The following NHSL2 variants were observed in gnomAD, a reference collection of about 807,000 sequenced individuals.
The protein encoded by NHSL2 is NHS like 2, also known as NHS-like protein 2.
NHSL2 carries 27 observed loss-of-function variants against 53.4 expected under a neutral mutation model. That is an observed-to-expected ratio of 0.51 (90% CI 0.37 to 0.70). The LOEUF is 0.70. Ranked by LOEUF, NHSL2 falls within the 30% of genes least tolerant of loss-of-function variation. NHSL2 has a pLI of 0.00. For synonymous variants in NHSL2, 408 were observed against 404.1 expected (o/e 1.01, Z -0.12); for missense variants, 892 against 980.1 (o/e 0.91, Z 1.20).
chrX:71,917,240 T>TTCCTTCCTCTCTCCCTCCCC (rs2041632772), intron 1 of NHSL2, among the ~76,000 whole-genome samples: 1 of 72,853 alleles, frequency 1.4e-5, no homozygotes, highest in Non-Finnish European at 2.5e-5. Context: ...TCTTCCTCCC[T>TTCCTTCCTCTCTCCCTCCCC]CCCTTCCTCT....
intron 1 of NHSL2, among the ~76,000 whole-genome samples, chrX:71,936,066 GATAGGCATC>G (rs1329777002): frequency 8.9e-6 from 1 of 112,364 alleles, no homozygotes; most frequent in East Asian, 2.8e-4. Context: ...GCTTCTGTGA[GATAGGCATC>G]ATAAGCCTAT....
intron 1 of NHSL2, among the ~76,000 whole-genome samples, chrX:72,023,235 C>CT (rs1420261152): frequency 8.9e-6 from 1 of 112,711 alleles, no homozygotes; most frequent in Non-Finnish European, 1.9e-5. Flanking sequence ...GGCAAATTGA[C>CT]TTTGGGCCCA....
intron 1 of NHSL2, among the ~76,000 whole-genome samples, chrX:72,125,693 C>T (rs1001721295): frequency 2.7e-5 from 3 of 112,013 alleles, no homozygotes; most frequent in African/African-American, 9.8e-5. Context: ...CATAAGAAAT[C>T]CCCTGGGTGC....
chrX:72,142,355 T>TG lies in NHSL2; in HGVS notation c.3348dup (p.Ile1117AspfsTer16). 1 of 1,160,178 alleles carries TG rather than the reference T, an allele frequency of 8.6e-7. No homozygotes were observed. Among genetic ancestry groups the TG allele is most frequent in the Non-Finnish European group, 1.2e-6 (1 of 867,308 alleles). ...CGCACAACTGAAGATTTATTTACTG[T>TG]GATACACAGGTCTGCACCAATTTCC... On this transcript the variant is annotated frameshift_variant, in exon 7 of 8. Transcript: ENST00000633930. LOFTEE classifies it high-confidence loss of function.
At chrX:71,993,727 C>T (rs777919914) in intron 1 of NHSL2, among the ~76,000 whole-genome samples, 6 of 111,433 alleles carry the variant, frequency 5.4e-5, no homozygotes, top group Non-Finnish European at 7.5e-5. Flanking sequence ...ATCAAATGCA[C>T]GCAGGGCTAC....
intron 1 of NHSL2, among the ~76,000 whole-genome samples, chrX:71,921,868 C>A (rs2041661130): frequency 8.9e-6 from 1 of 111,849 alleles, no homozygotes; most frequent in Non-Finnish European, 1.9e-5. Flanking sequence ...CCCGTGTTCT[C>A]TGATGTGGCA....
chrX:71,911,431 G>T, intron 1 of NHSL2, 64 bp downstream of exon 1: 1 of 953,312 alleles, frequency 1.0e-6, no homozygotes, highest in Non-Finnish European at 1.3e-6. Context: ...GCGCCGGTCG[G>T]CGCTTAGCGC....
At chrX:72,054,124 A>AT (rs1259983415) in intron 1 of NHSL2, among the ~76,000 whole-genome samples, 2 of 111,562 alleles carry the variant, frequency 1.8e-5, no homozygotes, top group Non-Finnish European at 3.8e-5. Context: ...GGGATACTCC[A>AT]TAGCCCTCTC....
chrX:72,003,152 C>T (rs2042079287), intron 1 of NHSL2, among the ~76,000 whole-genome samples: 1 of 110,884 alleles, frequency 9.0e-6, no homozygotes, highest in Non-Finnish European at 1.9e-5. Flanking sequence ...CCCACTGAAG[C>T]AGAAATCTGG....
chrX:72,095,634 C>A (rs2147452229), intron 1 of NHSL2, among the ~76,000 whole-genome samples: 1 of 111,920 alleles, frequency 8.9e-6, no homozygotes, highest in African/African-American at 3.2e-5. Context: ...GTAAAGTAGC[C>A]CCTTATACAG....
chrX:72,038,153 C>T (rs1294922910), intron 1 of NHSL2, among the ~76,000 whole-genome samples: 1 of 111,570 alleles, frequency 9.0e-6, no homozygotes, highest in Non-Finnish European at 1.9e-5. Flanking sequence ...AAGTGTCTCT[C>T]CTCAGCAGAA....
intron 1 of NHSL2, among the ~76,000 whole-genome samples, chrX:72,001,259 C>T (rs192227415): frequency 8.9e-6 from 1 of 111,821 alleles, no homozygotes; most frequent in East Asian, 2.8e-4. Flanking sequence ...ACTTCCTTTC[C>T]ACAGTGCTTA....
chrX:72,131,923 C>G (rs1367429309), intron 1 of NHSL2, 156 bp from the exon 2 acceptor site: 4 of 508,375 alleles, frequency 7.9e-6, no homozygotes, highest in Non-Finnish European at 1.3e-5. Context: ...GAGGAAAAAT[C>G]TTGCGGCCGG....
chrX:71,918,322 T>C (rs1051981868), intron 1 of NHSL2, among the ~76,000 whole-genome samples: 7 of 111,761 alleles, frequency 6.3e-5, no homozygotes, highest in African/African-American at 2.0e-4. Flanking sequence ...GCATAGATTC[T>C]TCAGAATCGT....
chrX:72,077,960 G>C (rs2041758069), intron 1 of NHSL2, among the ~76,000 whole-genome samples: 1 of 112,967 alleles, frequency 8.9e-6, no homozygotes, highest in African/African-American at 3.2e-5. Flanking sequence ...GTGGAGCCAG[G>C]CAGTAGCTTG....
intron 1 of NHSL2, among the ~76,000 whole-genome samples, chrX:72,059,281 G>T (rs1475854205): frequency 9.0e-6 from 1 of 110,833 alleles, no homozygotes; most frequent in Non-Finnish European, 1.9e-5. Flanking sequence ...CCCTTCCAGA[G>T]CCTCCTAACT....
intron 1 of NHSL2, among the ~76,000 whole-genome samples, chrX:72,061,648 G>T (rs190858617): frequency 3.6e-5 from 4 of 111,555 alleles, no homozygotes; most frequent in South Asian, 7.6e-4. Context: ...ATATCCTGTC[G>T]CTCCCTTGCT....
Position 72,126,322 on chromosome X carries a change from G to A in NHSL2, c.281-5757G>A, listed in dbSNP as rs1368652052. Among the ~76,000 whole-genome samples, 4 of 111,108 alleles carry A rather than the reference G, an allele frequency of 3.6e-5. No homozygotes were observed. In the Admixed American group the frequency reaches 3.8e-4, roughly 11 times the overall value. The stretch of plus-strand genomic sequence containing the variant: ...AGGGCCAGCGGAGTGGGGGCAGAGA[G>A]GTGCTAAGTGTCCCCAGAGCTAATG... On this transcript the variant is annotated intron_variant, in intron 1 of 7. Coordinates refer to ENST00000633930, the MANE Select transcript of NHSL2 (RefSeq NM_001013627.3).
At chrX:72,022,471 G>A (rs1238440997) in intron 1 of NHSL2, among the ~76,000 whole-genome samples, 2 of 110,740 alleles carry the variant, frequency 1.8e-5, no homozygotes, top group Non-Finnish European at 3.8e-5. Flanking sequence ...CCATAGATCC[G>A]GTGTCTGGTG....
Sources: gnomAD v4.1 joint callset for allele counts (sites outside exome capture counted in the v4.1 genomes callset) on GRCh38, gnomAD v4.1.1 for gene constraint, MANE v1.5 for transcripts, NCBI Gene and HGNC (gene_info 2026-07-23, HGNC 2026-07-21) for gene names.